RAPGEF2: variants seen among roughly 807,000 people sequenced by gnomAD.
The protein encoded by RAPGEF2 is PDZ domain containing guanine nucleotide exchange factor (GEF) 1.
Under a neutral mutation model 186.7 loss-of-function variants are expected in RAPGEF2, and 54 were observed. That is an observed-to-expected ratio of 0.29 (90% CI 0.23 to 0.36). The LOEUF (loss-of-function observed/expected upper bound fraction) is 0.36, where lower values mean the gene tolerates loss of function less well. RAPGEF2 is among the 10% of genes least tolerant of loss of function. The pLI is 1.00. For synonymous variants in RAPGEF2, 712 were observed against 705.9 expected (o/e 1.01, Z -0.14); for missense variants, 1,532 against 2,045.0 (o/e 0.75, Z 4.84).
chr4:159,219,390 C>G (rs1751302222), intron 4 of RAPGEF2, among the ~76,000 whole-genome samples: 1 of 108,302 alleles, frequency 9.2e-6, no homozygotes, highest in African/African-American at 3.7e-5. Flanking sequence ...GAGTCTTGCT[C>G]TGTTGCTCAG....
chr4:159,117,574 G>T (rs34520538), intron 1 of RAPGEF2, among the ~76,000 whole-genome samples: 59,152 of 151,126 alleles, frequency 0.39, 11,812 homozygotes, highest in African/African-American at 0.47. Flanking sequence ...TATATTCTGC[G>T]ATGGTTGGGT....
intron 1 of RAPGEF2, among the ~76,000 whole-genome samples, chr4:159,112,375 T>G (rs1738592927): frequency 6.6e-6 from 1 of 151,878 alleles, no homozygotes; most frequent in Non-Finnish European, 1.5e-5. Context: ...TATTTCCTTT[T>G]CATATTTTTT....
At chr4:159,266,917 C>G (rs1757504210) in intron 7 of RAPGEF2, 1 of 185,172 alleles carries the variant, frequency 5.4e-6, no homozygotes, top group Non-Finnish European at 1.2e-5. Flanking sequence ...GGATTCCATC[C>G]CTCTGAGACT....
chr4:159,266,465 A>G (rs558008473), intron 7 of RAPGEF2, among the ~76,000 whole-genome samples: 2 of 152,328 alleles, frequency 1.3e-5, no homozygotes, highest in South Asian at 2.1e-4. Flanking sequence ...TTTGTCAAGT[A>G]TAATGCAGTC....
chr4:159,334,103 G>A (rs1156930644), intron 17 of RAPGEF2, among the ~76,000 whole-genome samples: 3 of 152,192 alleles, frequency 2.0e-5, no homozygotes, highest in East Asian at 1.9e-4. Context: ...GGCTCAAGAG[G>A]ATATATTGAG....
intron 1 of RAPGEF2, among the ~76,000 whole-genome samples, chr4:159,115,460 G>A (rs1738941860): frequency 6.6e-6 from 1 of 152,160 alleles, no homozygotes. Context: ...AATGAAAAAT[G>A]TGTAAACATA....
At chr4:159,345,420 A>C in intron 24 of RAPGEF2, 91 bp downstream of exon 24, 2 of 1,150,240 alleles carry the variant, frequency 1.7e-6, no homozygotes, top group Non-Finnish European at 2.5e-6. Flanking sequence ...AATAAGGCTT[A>C]GTGCAGAGGG....
At chr4:159,184,590 T>G (rs1747365249) in intron 1 of RAPGEF2, among the ~76,000 whole-genome samples, 1 of 152,214 alleles carries the variant, frequency 6.6e-6, no homozygotes, top group African/African-American at 2.4e-5. Flanking sequence ...ATGGGGTTAT[T>G]TGATTTTTTT....
intron 1 of RAPGEF2, among the ~76,000 whole-genome samples, chr4:159,114,394 G>A (rs865890209): frequency 1.5e-4 from 23 of 152,104 alleles, no homozygotes; most frequent in African/African-American, 5.3e-4. Context: ...GAGCCACTGC[G>A]CCCGGCCCTA....
At chr4:159,321,468 A>G (rs1046090281) in intron 9 of RAPGEF2, among the ~76,000 whole-genome samples, 1 of 152,152 alleles carries the variant, frequency 6.6e-6, no homozygotes, top group South Asian at 2.1e-4. Flanking sequence ...TCAGCCTTCC[A>G]AAATGTTAGG....
chr4:159,223,297 G>A (rs1369876105), intron 4 of RAPGEF2, among the ~76,000 whole-genome samples: 1 of 152,016 alleles, frequency 6.6e-6, no homozygotes, highest in African/African-American at 2.4e-5. Context: ...AGAGCTACAC[G>A]AACATTAAAT....
chr4:159,252,425 T>C (rs1207091948), intron 7 of RAPGEF2, among the ~76,000 whole-genome samples: 22 of 152,232 alleles, frequency 1.4e-4, no homozygotes. Context: ...AGAAAGTTTT[T>C]AGAAAGGGAT....
chr4:159,154,118 C>T (rs1368421327), intron 1 of RAPGEF2, among the ~76,000 whole-genome samples: 1 of 152,222 alleles, frequency 6.6e-6, no homozygotes, highest in East Asian at 1.9e-4. Flanking sequence ...TTTTCTAGCT[C>T]TAGCATTTTA....
intron 22 of RAPGEF2, 109 bp from the exon 23 acceptor site, chr4:159,343,927 G>A (rs917264770): frequency 2.4e-5 from 26 of 1,094,900 alleles, no homozygotes; most frequent in Middle Eastern, 2.0e-4. Context: ...AATGTTTGTG[G>A]GCTTCTAGAA....
chr4:159,243,027 C>A (rs531042635), intron 6 of RAPGEF2, among the ~76,000 whole-genome samples: 1 of 151,786 alleles, frequency 6.6e-6, no homozygotes, highest in East Asian at 1.9e-4. Flanking sequence ...CGTGATTCCC[C>A]CTTTATGGAA....
intron 1 of RAPGEF2, among the ~76,000 whole-genome samples, chr4:159,116,276 A>G (rs1053447200): frequency 1.1e-4 from 16 of 152,242 alleles, no homozygotes; most frequent in African/African-American, 3.9e-4. Context: ...GGCAAAGGAC[A>G]TGAACAGACA....
chr4:159,280,137 T>A (rs1759494523), intron 7 of RAPGEF2, among the ~76,000 whole-genome samples: 1 of 152,172 alleles, frequency 6.6e-6, no homozygotes, highest in South Asian at 2.1e-4. Context: ...GACTTACTAT[T>A]TGGGTGATAT....
intron 15 of RAPGEF2, 30 bp downstream of exon 15, chr4:159,331,863 G>A: frequency 1.3e-6 from 2 of 1,598,270 alleles, no homozygotes; most frequent in Non-Finnish European, 1.7e-6. Context: ...ATTTAAGGGT[G>A]AATTTTGGTG....
At chr4:159,173,433 G>A (rs1263867136) in intron 1 of RAPGEF2, among the ~76,000 whole-genome samples, 2 of 152,134 alleles carry the variant, frequency 1.3e-5, no homozygotes, top group African/African-American at 4.8e-5. Context: ...AGAAACTTGA[G>A]GTTTCCTGAG....
Sources: allele counts gnomAD v4.1 joint callset (sites outside exome capture counted in the v4.1 genomes callset), GRCh38; gene constraint gnomAD v4.1.1; transcripts MANE v1.5; gene names NCBI Gene and HGNC (gene_info 2026-07-23, HGNC 2026-07-21).